The following ITIH5 variants were observed in gnomAD, a reference collection of about 807,000 sequenced individuals.
ITIH5 encodes the protein inter-alpha-trypsin inhibitor heavy chain 5, also known as inter-alpha-trypsin inhibitor heavy chain H5.
Under a neutral mutation model 77.5 loss-of-function variants are expected in ITIH5, and 65 were observed. The observed-to-expected ratio is 0.84, with a 90% CI of 0.69 to 1.03. The LOEUF is 1.03. ITIH5 is among the 50% of genes least tolerant of loss of function. ITIH5 has a pLI of 0.00. For missense variants in ITIH5, 1,208 were observed against 1,213.1 expected (o/e 1.00, Z 0.06); for synonymous variants, 525 against 494.3 (o/e 1.06, Z -0.82).
chr10:7,625,734 T>C (rs546057845), intron 5 of ITIH5, among the ~76,000 whole-genome samples: 73 of 151,052 alleles, frequency 4.8e-4, no homozygotes, highest in African/African-American at 1.7e-3. Context: ...CACTGCACTC[T>C]TGCCTGGGTA....
chr10:7,564,990 CAT>C (rs1832112767), intron 13 of ITIH5, among the ~76,000 whole-genome samples: 1 of 134,530 alleles, frequency 7.4e-6, no homozygotes, highest in Admixed American at 7.2e-5. Flanking sequence ...CACGTTCATA[CAT>C]ATAGACTGTA....
chr10:7,613,142 G>T (rs186306689), intron 7 of ITIH5, among the ~76,000 whole-genome samples: 2 of 151,646 alleles, frequency 1.3e-5, no homozygotes, highest in South Asian at 2.1e-4. Flanking sequence ...CTACTTGGGG[G>T]AACTGAGGCA....
In ITIH5 at chr10:7,610,061, T is replaced by TC. The variant is rs1491526083; in HGVS notation, c.939+5920dup. ...TTCTCCCCCCTCCCTTTCTTTTTTT[T>TC]CTTTTTTCTTTTTTTTTTTTTTTTT... On this transcript the variant is annotated intron_variant, in intron 7 of 13. Transcript: ENST00000397146. Among the ~76,000 whole-genome samples, 4 of 129,428 alleles carry TC rather than the reference T, an allele frequency of 3.1e-5. No individual in the cohort carries two copies. In the East Asian group the frequency reaches 9.2e-4, roughly 30 times the overall value. The allele number at this position is 129,428 out of a possible 152,430, so 84.9% of individuals were successfully genotyped here. A position where few individuals can be genotyped will look rare whatever the true frequency, so the allele number is the denominator to read the frequency against.
intron 7 of ITIH5, among the ~76,000 whole-genome samples, chr10:7,594,283 A>G (rs780659601): frequency 3.4e-4 from 51 of 152,118 alleles, no homozygotes; most frequent in Non-Finnish European, 6.3e-4. Context: ...AGTGCAGGTG[A>G]TGGACACAGC....
chr10:7,594,249 C>A (rs1208591965), intron 7 of ITIH5, among the ~76,000 whole-genome samples: 1 of 152,158 alleles, frequency 6.6e-6, no homozygotes, highest in Non-Finnish European at 1.5e-5. Context: ...ATGATCATGG[C>A]TAGGAAGAGC....
intron 10 of ITIH5, among the ~76,000 whole-genome samples, chr10:7,575,070 C>T (rs555907821): frequency 1.3e-5 from 2 of 152,218 alleles, no homozygotes; most frequent in East Asian, 1.9e-4. Context: ...ACAAGCTCCA[C>T]GCTTTCTGAA....
intron 7 of ITIH5, among the ~76,000 whole-genome samples, chr10:7,590,855 C>G (rs1832779577): frequency 6.6e-6 from 1 of 152,196 alleles, no homozygotes. Flanking sequence ...CTCTTCAAAG[C>G]CTTCCATGGC....
chr10:7,619,720 A>C (rs369357883), intron 5 of ITIH5: 1 of 193,728 alleles, frequency 5.2e-6, no homozygotes. Flanking sequence ...ATCTCGTGAG[A>C]ACTCACTCAC....
At chr10:7,618,526 A>AC (rs1488154813) in intron 5 of ITIH5, 1 of 152,134 alleles carries the variant, frequency 6.6e-6, no homozygotes, top group African/African-American at 2.4e-5. Context: ...TAGCAATAAA[A>AC]CCCCAAAAGA....
intron 8 of ITIH5, 131 bp downstream of exon 8, chr10:7,585,770 G>C: frequency 1.4e-6 from 1 of 723,912 alleles, no homozygotes. Context: ...GAAAGCTCTC[G>C]CCTGCAGTCT....
At chr10:7,572,048 G>C (rs981818874) in intron 11 of ITIH5, 42 of 1,011,004 alleles carry the variant, frequency 4.2e-5, no homozygotes, top group Non-Finnish European at 4.9e-5. Flanking sequence ...AAAAAGAGGG[G>C]AGGGTCAAAA....
intron 7 of ITIH5, among the ~76,000 whole-genome samples, chr10:7,591,048 C>T (rs1300833612): frequency 1.3e-5 from 2 of 152,224 alleles, no homozygotes; most frequent in Non-Finnish European, 2.9e-5. Flanking sequence ...AGGCACACGC[C>T]ATCACGCTCA....
rs1472617286 is a variant in ITIH5 at position 7,566,248 on chromosome 10, C to G, written c.2309G>C (p.Arg770Thr). The G allele has an allele frequency of 1.2e-6, 2 of 1,613,318 alleles. No individual in the cohort carries two copies. The highest frequency in any genetic ancestry group is 3.3e-5 in the Admixed American group (2 of 59,864). Residue 770 changes from arginine (R) to threonine (T), a missense_variant, in exon 13 of 14, where the codon AGA (arginine) becomes ACA (threonine). Arg to Thr is a moderately conservative substitution (Grantham distance 71). Transcript: ENST00000397146. ...PSRVILDGGD[R>T]LVLPCNQSVV... ...ACTCTGGTTGCAGGGGAGCACCAGTCTGTCCCCACCATCCAAGATGACTCT... is the reference window on the plus strand; with the variant it reads ...ACTCTGGTTGCAGGGGAGCACCAGTGTGTCCCCACCATCCAAGATGACTCT...
At chr10:7,602,602 A>T (rs3908795) in intron 7 of ITIH5, among the ~76,000 whole-genome samples, 146,666 of 152,242 alleles carry the variant, frequency 0.96, 70,809 homozygotes, top group Non-Finnish European at 1. Flanking sequence ...CTGCCATGAT[A>T]GTAAGTTTCC....
intron 5 of ITIH5, among the ~76,000 whole-genome samples, chr10:7,624,827 G>GTATATA (rs1341612981): frequency 7.6e-6 from 1 of 130,722 alleles, no homozygotes; most frequent in East Asian, 2.2e-4. Context: ...ATATATATGT[G>GTATATA]TATATACATG....
In ITIH5 at chr10:7,660,376, C is replaced by T. The variant is rs185850164; in HGVS notation, c.91-4701G>A. On this transcript the variant is annotated intron_variant, in intron 1 of 13. Transcript: ENST00000397146. ...GAAGAAAGTGAAAGAGAATCAGGTT[C>T]AACACAGGAACAATCCTCAGAAAAT... Among the ~76,000 whole-genome samples the T allele has an allele frequency of 4.6e-5, 7 of 152,124 alleles. No individual in the cohort carries two copies. In the East Asian group the frequency reaches 1.4e-3, roughly 30 times the overall value.
intron 7 of ITIH5, among the ~76,000 whole-genome samples, chr10:7,604,156 G>A (rs1476533656): frequency 6.6e-6 from 1 of 152,120 alleles, no homozygotes; most frequent in Admixed American, 6.5e-5. Context: ...ATGCTTCCAG[G>A]CTATTTGATT....
intron 8 of ITIH5, among the ~76,000 whole-genome samples, chr10:7,580,478 G>GAT (rs1832527582): frequency 6.6e-6 from 1 of 152,202 alleles, no homozygotes; most frequent in East Asian, 1.9e-4. Flanking sequence ...ACAGGAGTGA[G>GAT]GTGTTAAGGG....
intron 7 of ITIH5, among the ~76,000 whole-genome samples, chr10:7,612,481 G>C (rs1833266975): frequency 6.6e-6 from 1 of 152,034 alleles, no homozygotes; most frequent in African/African-American, 2.4e-5. Flanking sequence ...GGTTTTTAAA[G>C]AATATTTAAT....
Sources: gnomAD v4.1 joint callset for allele counts (sites outside exome capture counted in the v4.1 genomes callset) on GRCh38, gnomAD v4.1.1 for gene constraint, MANE v1.5 for transcripts, NCBI Gene and HGNC (gene_info 2026-07-23, HGNC 2026-07-21) for gene names.